KCNIP3: variants seen among roughly 807,000 people sequenced by gnomAD.
KCNIP3 encodes calsenilin.
In KCNIP3, 28 loss-of-function variants were observed where a neutral mutation model predicts 35.0. The ratio of observed to expected loss-of-function variants is 0.80; its 90% confidence interval spans 0.59 to 1.10. The LOEUF is 1.10. Among genes scored for constraint, KCNIP3 ranks in the 50% least tolerant of loss-of-function variants. The pLI is 0.00. For synonymous variants in KCNIP3, 134 were observed against 133.8 expected (o/e 1.00, Z -0.01); for missense variants, 295 against 338.4 (o/e 0.87, Z 1.01).
intron 1 of KCNIP3, among the ~76,000 whole-genome samples, chr2:95,302,866 G>A (rs979575189): frequency 6.6e-6 from 1 of 152,196 alleles, no homozygotes; most frequent in Non-Finnish European, 1.5e-5. Context: ...GGGCCCTGGT[G>A]GCACATACGA....
At chr2:95,357,031 C>T (rs1289929969) in intron 2 of KCNIP3, among the ~76,000 whole-genome samples, 2 of 152,204 alleles carry the variant, frequency 1.3e-5, no homozygotes, top group Non-Finnish European at 1.5e-5. Context: ...GTGGCCTCTG[C>T]AGGAGACAGT....
intron 1 of KCNIP3, among the ~76,000 whole-genome samples, chr2:95,307,370 C>G (rs1328598679): frequency 6.6e-6 from 1 of 152,232 alleles, no homozygotes; most frequent in Non-Finnish European, 1.5e-5. Flanking sequence ...GAAACAGCCT[C>G]AGCAGCAAAG....
In KCNIP3 at chr2:95,378,514, C is replaced by T. The variant is rs1680258279; in HGVS notation, c.448-3082C>T. Among the ~76,000 whole-genome samples the T allele has an allele frequency of 6.6e-6, 1 of 151,444 alleles. No homozygotes were observed. Among genetic ancestry groups the T allele is most frequent in the South Asian group, 2.1e-4 (1 of 4,788 alleles). On this transcript the variant is annotated intron_variant, in intron 5 of 8. Transcript: ENST00000295225. The surrounding 1 kb of genome is among the most constrained non-coding windows in gnomAD (Gnocchi z 4.0). ...CTTTGAGAGGCCAAGGCGGTCAGAT[C>T]ACCTGAGGTCAGGAGTTTGAGACAA...
intron 5 of KCNIP3, among the ~76,000 whole-genome samples, chr2:95,379,646 T>C (rs191405624): frequency 1.1e-4 from 16 of 152,354 alleles, no homozygotes; most frequent in Admixed American, 9.8e-4. Flanking sequence ...GTCTTTATTC[T>C]GTTTTTACTC....
intron 2 of KCNIP3, among the ~76,000 whole-genome samples, chr2:95,357,014 G>T (rs372147599): frequency 6.6e-6 from 1 of 152,310 alleles, no homozygotes; most frequent in South Asian, 2.1e-4. Flanking sequence ...CATGCTCGCC[G>T]GCGTGGGTGG....
chr2:95,300,818 G>A (rs565100244), intron 1 of KCNIP3, among the ~76,000 whole-genome samples: 1 of 152,198 alleles, frequency 6.6e-6, no homozygotes, highest in Non-Finnish European at 1.5e-5. Flanking sequence ...CACTAGAGTC[G>A]GCCCAGCCTC....
At chr2:95,329,496 A>AC (rs1166549724) in intron 2 of KCNIP3, among the ~76,000 whole-genome samples, 1 of 152,190 alleles carries the variant, frequency 6.6e-6, no homozygotes, top group African/African-American at 2.4e-5. Flanking sequence ...AGCCCATCCT[A>AC]CAGGGGGGTT....
chr2:95,314,933 C>T (rs1351579805), intron 2 of KCNIP3, among the ~76,000 whole-genome samples: 1 of 152,196 alleles, frequency 6.6e-6, no homozygotes, highest in African/African-American at 2.4e-5. Context: ...CCCGACAGGG[C>T]AGCCCTGGAA....
At chr2:95,360,866 G>C (rs1037813349) in intron 2 of KCNIP3, among the ~76,000 whole-genome samples, 1 of 152,226 alleles carries the variant, frequency 6.6e-6, no homozygotes, top group Non-Finnish European at 1.5e-5. Flanking sequence ...ACTTCTTACA[G>C]GTTCCACCTC....
chr2:95,325,954 TACAC>T lies in KCNIP3; in HGVS notation c.181+15439_181+15442del, dbSNP rs549374511. On this transcript the variant is annotated intron_variant, in intron 2 of 8. Coordinates refer to ENST00000295225, the MANE Select transcript of KCNIP3 (RefSeq NM_013434.5). ...ACACATACACATACACACTCACACA[TACAC>T]ACACTCATAGGCACACATACACTCC... Among the ~76,000 whole-genome samples the T allele has an allele frequency of 4.0e-3, 555 of 138,758 alleles. 2 individuals are homozygous for T. Among genetic ancestry groups the T allele is most frequent in the African/African-American group, 0.012 (451 of 36,726 alleles). The allele number at this position is 138,758 out of a possible 152,430, so 91.0% of individuals were successfully genotyped here. A position where few individuals can be genotyped will look rare whatever the true frequency, so the allele number is the denominator to read the frequency against.
intron 2 of KCNIP3, among the ~76,000 whole-genome samples, chr2:95,326,070 C>A (rs575096778): frequency 6.9e-6 from 1 of 145,454 alleles, no homozygotes; most frequent in Non-Finnish European, 1.5e-5. Flanking sequence ...CACATTCACT[C>A]ATACTAACAC....
At chr2:95,379,485 CCT>C (rs1558780027) in intron 5 of KCNIP3, among the ~76,000 whole-genome samples, 1 of 152,214 alleles carries the variant, frequency 6.6e-6, no homozygotes, top group African/African-American at 2.4e-5. Context: ...GGCTTCCTCC[CCT>C]GTCTGCTGGG....
chr2:95,332,257 A>G (rs566808526), intron 2 of KCNIP3, among the ~76,000 whole-genome samples: 80 of 152,368 alleles, frequency 5.3e-4, no homozygotes, highest in African/African-American at 1.9e-3. Context: ...TCTGGGGCAG[A>G]TGCGTACCAA....
At chr2:95,350,098 G>C (rs576048486) in intron 2 of KCNIP3, among the ~76,000 whole-genome samples, 1 of 152,226 alleles carries the variant, frequency 6.6e-6, no homozygotes, top group African/African-American at 2.4e-5. Context: ...CGTTCCCAAA[G>C]TGTTCAAAGG....
chr2:95,374,626 G>C (rs1680127568), intron 3 of KCNIP3, among the ~76,000 whole-genome samples: 1 of 152,214 alleles, frequency 6.6e-6, no homozygotes, highest in Admixed American at 6.5e-5. Context: ...CTGGTACAGA[G>C]GAGGAGGGTA....
chr2:95,340,531 G>T (rs560561178), intron 2 of KCNIP3, among the ~76,000 whole-genome samples: 136 of 152,352 alleles, frequency 8.9e-4, no homozygotes, highest in Non-Finnish European at 1.6e-3. Context: ...TTGGTGGCAA[G>T]CTGGCAGTCT....
intron 2 of KCNIP3, among the ~76,000 whole-genome samples, chr2:95,351,126 T>C (rs1679508675): frequency 6.6e-6 from 1 of 152,224 alleles, no homozygotes; most frequent in African/African-American, 2.4e-5. Context: ...GCCCAGCGGC[T>C]TCTCTCTTCC....
At chr2:95,318,293 C>T (rs1294923316) in intron 2 of KCNIP3, among the ~76,000 whole-genome samples, 1 of 152,184 alleles carries the variant, frequency 6.6e-6, no homozygotes, top group African/African-American at 2.4e-5. Flanking sequence ...AGTCCTCCTC[C>T]TGTGCACACT....
chr2:95,382,982 G>T lies in KCNIP3; in HGVS notation c.661-250G>T, dbSNP rs1461315284. On this transcript the variant is annotated intron_variant, in intron 7 of 8. Transcript: ENST00000295225. The surrounding 1 kb of genome is among the most constrained non-coding windows in gnomAD (Gnocchi z 4.5). ...GGAAACCCAAGCCCAGGAGGGCTCA[G>T]GGAATTGGCCTAGGGGAGCAGTGGG... 6.6e-6 allele frequency among the ~76,000 whole-genome samples: 1 copy of T among 152,208 alleles called. No individual in the cohort carries two copies. The highest frequency in any genetic ancestry group is 1.5e-5 in the Non-Finnish European group (1 of 68,024).
Sources: allele counts gnomAD v4.1 joint callset (sites outside exome capture counted in the v4.1 genomes callset), GRCh38; gene constraint gnomAD v4.1.1; non-coding constraint Gnocchi (gnomAD v3.1); transcripts MANE v1.5; gene names NCBI Gene and HGNC (gene_info 2026-07-23, HGNC 2026-07-21).